WT1: variants seen among roughly 807,000 people sequenced by gnomAD.
WT1 encodes WT1 transcription factor, also known as Wilms tumor protein.
In WT1, 8 loss-of-function variants were observed where a neutral mutation model predicts 60.8. The ratio of observed to expected loss-of-function variants is 0.13; its 90% confidence interval spans 0.08 to 0.24. The LOEUF is 0.24. WT1 is among the 10% of genes least tolerant of loss of function. The probability of loss-of-function intolerance (pLI) is 1.00; values close to 1 mark genes in which losing one functional copy is unlikely to be tolerated. For synonymous variants in WT1, 312 were observed against 297.1 expected (o/e 1.05, Z -0.52); for missense variants, 568 against 711.8 (o/e 0.80, Z 2.30).
At chr11:32,432,741 C>T (rs375862394) in intron 1 of WT1, among the ~76,000 whole-genome samples, 1 of 152,182 alleles carries the variant, frequency 6.6e-6, no homozygotes, top group Non-Finnish European at 1.5e-5. Flanking sequence ...AACCCACAGT[C>T]CCACCCCCCA....
At chr11:32,421,421 G>A (rs980897046) in intron 3 of WT1, among the ~76,000 whole-genome samples, 2 of 152,222 alleles carry the variant, frequency 1.3e-5, no homozygotes, top group African/African-American at 4.8e-5. Context: ...GTTCGGAAGT[G>A]AACTTTCAAA....
chr11:32,428,506 C>A lies in WT1; in HGVS notation c.775G>T (p.Gly259Cys), dbSNP rs1352932484. The change falls in exon 2 of 10, where the codon GGC becomes TGC. Residue 259 changes from glycine (G) to cysteine (C), a missense_variant. Gly to Cys is a radical substitution (Grantham distance 159). Around this residue, in one of 3 missense-constraint regions of WT1, gnomAD observed 523 missense variants for 565.1 expected, o/e 0.93. Transcript: ENST00000452863. ...GGTTCCGCTCGCTTACCCAGCGAGC[C>A]CTGCTGGCCCATGGGATCCTCATGC... 6.2e-7 allele frequency: 1 copy of A among 1,614,108 alleles called. No individual in the cohort carries two copies. Among genetic ancestry groups the A allele is most frequent in the Non-Finnish European group, 8.5e-7 (1 of 1,180,034 alleles).
intron 4 of WT1, 22 bp from the exon 5 acceptor site, chr11:32,416,562 G>A (rs753180506): frequency 6.2e-7 from 1 of 1,613,972 alleles, no homozygotes; most frequent in Non-Finnish European, 8.5e-7. Flanking sequence ...GAAGAGGTGG[G>A]GAGTGGGGAA....
rs1853451296 is a variant in WT1, at chr11:32,434,953, GGGTGGCGGCGGAGCC to G, written c.393_407del (p.Ala132_Pro136del). 6.4e-7 allele frequency: 1 copy of G among 1,562,856 alleles called. No homozygotes were observed. The highest frequency in any genetic ancestry group is 8.6e-7 in the Non-Finnish European group (1 of 1,158,560). On this transcript the variant is annotated inframe_deletion, in exon 1 of 10. Transcript: ENST00000452863. ...TGAAGGAGTGAGGCGGCGGCGGCGG[GGGTGGCGGCGGAGCC>G]GGTGGCGGCGCGGGGCCGCCCAACG...
At chr11:32,406,170 A>G (rs1027217487) in intron 5 of WT1, among the ~76,000 whole-genome samples, 1 of 151,960 alleles carries the variant, frequency 6.6e-6, no homozygotes, top group Admixed American at 6.6e-5. Flanking sequence ...GTGGTCCCCC[A>G]TGTTTTTGGC....
intron 5 of WT1, among the ~76,000 whole-genome samples, chr11:32,403,735 C>T (rs924273812): frequency 6.6e-6 from 1 of 151,778 alleles, no homozygotes; most frequent in Non-Finnish European, 1.5e-5. Context: ...CCACCACGCC[C>T]GGCTAATTTT....
At chr11:32,430,154 T>C (rs912570626) in intron 1 of WT1, among the ~76,000 whole-genome samples, 2 of 151,870 alleles carry the variant, frequency 1.3e-5, no homozygotes, top group African/African-American at 4.8e-5. Context: ...CACTGGGGAT[T>C]TGAGAAGCCA....
At position 32,400,048 on chromosome 11, in the gene WT1, C is replaced by T; in HGVS notation, c.1017-4G>A. 6.2e-7 allele frequency: 1 copy of T among 1,614,098 alleles called. No homozygotes were observed. Among genetic ancestry groups the T allele is most frequent in the Non-Finnish European group, 8.5e-7 (1 of 1,179,990 alleles). On this transcript the variant is annotated splice_region_variant and splice_polypyrimidine_tract_variant and intron_variant, in intron 5 of 9. Transcript: ENST00000452863. Reference sequence around the variant, plus strand: ...GCTCTCGTACCCTGTGCTGTGGCTGCAAACACAAAGAAGGGAAAAAGGCTC... The same window carrying T: ...GCTCTCGTACCCTGTGCTGTGGCTGTAAACACAAAGAAGGGAAAAAGGCTC...
intron 3 of WT1, among the ~76,000 whole-genome samples, chr11:32,421,745 T>A (rs1564990401): frequency 6.6e-6 from 1 of 152,204 alleles, no homozygotes; most frequent in Non-Finnish European, 1.5e-5. Context: ...TCAGCTGTTA[T>A]CTAGATGAGA....
chr11:32,428,471 G>A (rs764075020), intron 2 of WT1, 26 bp downstream of exon 2: 2 of 1,613,792 alleles, frequency 1.2e-6, no homozygotes, highest in Admixed American at 3.3e-5. Context: ...AGGGGAGAAG[G>A]ACTCCACTTG....
chr11:32,420,089 G>A (rs1252773203), intron 3 of WT1, among the ~76,000 whole-genome samples: 2 of 152,164 alleles, frequency 1.3e-5, no homozygotes, highest in Non-Finnish European at 2.9e-5. Context: ...AGTGTGTACT[G>A]TACTGTCTAA....
At chr11:32,395,478 T>C (rs77261511) in intron 7 of WT1, among the ~76,000 whole-genome samples, 2 of 131,348 alleles carry the variant, frequency 1.5e-5, no homozygotes, top group East Asian at 2.1e-4. Flanking sequence ...CTCTCTCTCC[T>C]TTTTTTTTTT....
chr11:32,417,429 A>AG, intron 4 of WT1, 148 bp downstream of exon 4: 1 of 720,220 alleles, frequency 1.4e-6, no homozygotes, highest in South Asian at 1.7e-5. Context: ...CTCACCAACT[A>AG]GGGGAAGGAG....
intron 5 of WT1, among the ~76,000 whole-genome samples, chr11:32,410,224 C>G (rs1852452742): frequency 6.6e-6 from 1 of 152,186 alleles, no homozygotes; most frequent in Non-Finnish European, 1.5e-5. Flanking sequence ...AGCCACCATG[C>G]CTGCCCCATT....
intron 6 of WT1, among the ~76,000 whole-genome samples, chr11:32,398,305 T>G (rs1251834537): frequency 1.3e-5 from 2 of 152,138 alleles, no homozygotes; most frequent in African/African-American, 4.8e-5. Context: ...GGTGAAAGTA[T>G]CACTGCTGTT....
At chr11:32,426,514 C>CA (rs1377465724) in intron 3 of WT1, among the ~76,000 whole-genome samples, 1 of 152,208 alleles carries the variant, frequency 6.6e-6, no homozygotes, top group Non-Finnish European at 1.5e-5. Flanking sequence ...CTTGGGGCAG[C>CA]ATGCCGCGCC....
At chr11:32,431,786 T>C (rs1853321300) in intron 1 of WT1, among the ~76,000 whole-genome samples, 1 of 151,960 alleles carries the variant, frequency 6.6e-6, no homozygotes, top group African/African-American at 2.4e-5. Flanking sequence ...ACCCCACATC[T>C]GCCCTCACAA....
At chr11:32,398,525 C>A (rs1188339292) in intron 6 of WT1, among the ~76,000 whole-genome samples, 1 of 152,156 alleles carries the variant, frequency 6.6e-6, no homozygotes, top group Admixed American at 6.5e-5. Flanking sequence ...CTTCTCCCTC[C>A]CACAAACTGT....
At chr11:32,401,505 C>CGG (rs5030252) in intron 5 of WT1, among the ~76,000 whole-genome samples, 9 of 146,662 alleles carry the variant, frequency 6.1e-5, no homozygotes, top group East Asian at 2.0e-4. Flanking sequence ...AAAAAATTAT[C>CGG]GGGGGGGGGT....
Sources: gnomAD v4.1 joint callset for allele counts (sites outside exome capture counted in the v4.1 genomes callset) on GRCh38, gnomAD v4.1.1 for gene constraint, gnomAD v4.1.1 regional missense constraint, MANE v1.5 for transcripts, NCBI Gene and HGNC (gene_info 2026-07-23, HGNC 2026-07-21) for gene names.